GMDS: variants seen among roughly 807,000 people sequenced by gnomAD.
GMDS encodes GDP-mannose 4,6 dehydratase.
In GMDS, 20 loss-of-function variants were observed where a neutral mutation model predicts 49.9. That is an observed-to-expected ratio of 0.40 (90% confidence interval 0.28 to 0.58). GMDS has a LOEUF of 0.58. Among genes scored for constraint, GMDS ranks in the 20% least tolerant of loss-of-function variants. The pLI is 0.42. For synonymous variants in GMDS, 177 were observed against 178.6 expected, an observed-to-expected ratio of 0.99 and a Z score of 0.07; for missense variants, 362 against 481.4, an observed-to-expected ratio of 0.75 and a Z score of 2.32.
chr6:1,931,132 GTAA>G (rs1244925769), intron 6 of GMDS: 2 of 152,114 alleles, frequency 1.3e-5, no homozygotes, highest in Non-Finnish European at 2.9e-5. Flanking sequence ...AATTCTCAAG[GTAA>G]TAATACTCAT....
At chr6:1,760,565 G>A (rs538087127) in intron 7 of GMDS, among the ~76,000 whole-genome samples, 20 of 152,166 alleles carry the variant, frequency 1.3e-4, no homozygotes, top group African/African-American at 3.9e-4. Flanking sequence ...AGTCCCCACC[G>A]CCGAGGACCG....
chr6:1,956,832 G>A (rs1330396466), intron 6 of GMDS, among the ~76,000 whole-genome samples: 1 of 148,314 alleles, frequency 6.7e-6, no homozygotes, highest in African/African-American at 2.5e-5. Context: ...TTTTTTTTGA[G>A]ATGGAGTCTC....
intron 8 of GMDS, among the ~76,000 whole-genome samples, chr6:1,737,500 A>AC (rs1767039995): frequency 6.7e-6 from 1 of 148,164 alleles, no homozygotes; most frequent in African/African-American, 2.5e-5. Flanking sequence ...CACACACACA[A>AC]ACACACACAC....
At chr6:1,734,281 A>C (rs1009613838) in intron 8 of GMDS, among the ~76,000 whole-genome samples, 1 of 152,212 alleles carries the variant, frequency 6.6e-6, no homozygotes, top group Non-Finnish European at 1.5e-5. Flanking sequence ...TACCACAAAA[A>C]ATGTGAAATT....
intron 7 of GMDS, among the ~76,000 whole-genome samples, chr6:1,799,614 A>C (rs147104856): frequency 1.3e-4 from 20 of 152,320 alleles, no homozygotes; most frequent in Non-Finnish European, 2.8e-4. Flanking sequence ...TCAGGAAAGA[A>C]GGAAGGCAAA....
At chr6:1,634,122 C>G (rs1218797661) in intron 9 of GMDS, among the ~76,000 whole-genome samples, 1 of 152,234 alleles carries the variant, frequency 6.6e-6, no homozygotes, top group African/African-American at 2.4e-5. Context: ...CTTTGATGTG[C>G]TTGGTCCACC....
chr6:2,101,752 C>T (rs555644163), intron 4 of GMDS, among the ~76,000 whole-genome samples: 1 of 152,120 alleles, frequency 6.6e-6, no homozygotes, highest in African/African-American at 2.4e-5. Context: ...TTCCACTAAC[C>T]ATTAACACTT....
chr6:1,990,034 C>T (rs189170904), intron 4 of GMDS, among the ~76,000 whole-genome samples: 4 of 152,248 alleles, frequency 2.6e-5, no homozygotes, highest in Admixed American at 2.0e-4. Context: ...CAATGGCTCA[C>T]GCCTGTAATC....
At chr6:1,999,762 C>T (rs1240551114) in intron 4 of GMDS, among the ~76,000 whole-genome samples, 1 of 147,810 alleles carries the variant, frequency 6.8e-6, no homozygotes, top group East Asian at 2.0e-4. Flanking sequence ...AATCTCCTCT[C>T]CCAATTTTGC....
At chr6:1,842,380 A>G (rs1032577705) in intron 7 of GMDS, among the ~76,000 whole-genome samples, 1 of 152,320 alleles carries the variant, frequency 6.6e-6, no homozygotes, top group South Asian at 2.1e-4. Context: ...CTGACTGGCA[A>G]ATAGCCTGGG....
chr6:1,772,494 T>C (rs1407316078), intron 7 of GMDS, among the ~76,000 whole-genome samples: 1 of 152,232 alleles, frequency 6.6e-6, no homozygotes, highest in Non-Finnish European at 1.5e-5. Flanking sequence ...CCAACAATGG[T>C]TAGACATTTT....
chr6:2,215,497 T>A (rs924867682), intron 1 of GMDS, among the ~76,000 whole-genome samples: 10 of 151,370 alleles, frequency 6.6e-5, no homozygotes, highest in Non-Finnish European at 1.0e-4. Flanking sequence ...ACCACCCCCA[T>A]GACTCAGTGA....
chr6:1,787,111 G>A (rs1357606372), intron 7 of GMDS, among the ~76,000 whole-genome samples: 1 of 152,206 alleles, frequency 6.6e-6, no homozygotes, highest in Non-Finnish European at 1.5e-5. Context: ...AACATTTACT[G>A]CATGTTTTTG....
intron 9 of GMDS, among the ~76,000 whole-genome samples, chr6:1,694,204 T>C (rs1463517673): frequency 1.3e-5 from 2 of 152,364 alleles, no homozygotes; most frequent in East Asian, 3.9e-4. Context: ...TAAGAGGTAC[T>C]ATTATTTTAT....
chr6:1,742,334 C>T (rs1474781617), intron 8 of GMDS, 134 bp downstream of exon 8: 2 of 621,358 alleles, frequency 3.2e-6, no homozygotes, highest in East Asian at 2.8e-5. Context: ...AAAGGCCCCA[C>T]TCTACACTGA....
intron 7 of GMDS, among the ~76,000 whole-genome samples, chr6:1,858,004 T>A (rs554371367): frequency 6.6e-6 from 1 of 152,302 alleles, no homozygotes; most frequent in African/African-American, 2.4e-5. Context: ...GCGCATATAT[T>A]TATGAAGATC....
At chr6:1,915,570 T>C (rs1761339072) in intron 7 of GMDS, among the ~76,000 whole-genome samples, 1 of 152,160 alleles carries the variant, frequency 6.6e-6, no homozygotes, top group African/African-American at 2.4e-5. Flanking sequence ...GAGACAGTGA[T>C]GGTTTTAAGT....
intron 1 of GMDS, among the ~76,000 whole-genome samples, chr6:2,197,248 T>A (rs1779312876): frequency 6.6e-6 from 1 of 152,116 alleles, no homozygotes; most frequent in South Asian, 2.1e-4. Flanking sequence ...CCCTGACTCA[T>A]CCAAGCGACT....
intron 7 of GMDS, among the ~76,000 whole-genome samples, chr6:1,812,204 C>G (rs1165909279): frequency 6.6e-6 from 1 of 152,170 alleles, no homozygotes; most frequent in East Asian, 1.9e-4. Flanking sequence ...GAGGAGCTCA[C>G]AAGCCAGGGA....
Sources: allele counts gnomAD v4.1 joint callset (sites outside exome capture counted in the v4.1 genomes callset), GRCh38; gene constraint gnomAD v4.1.1; transcripts MANE v1.5; gene names NCBI Gene and HGNC (gene_info 2026-07-23, HGNC 2026-07-21).